OSBPL1A: variants seen among roughly 807,000 people sequenced by gnomAD.
The protein encoded by OSBPL1A is oxysterol binding protein like 1A.
A neutral mutation model predicts 137.1 loss-of-function variants in OSBPL1A; 80 were observed. The observed-to-expected ratio is 0.58, with a 90% CI of 0.49 to 0.70. The LOEUF (loss-of-function observed/expected upper bound fraction) is 0.70, where lower values mean the gene tolerates loss of function less well. Among genes scored for constraint, OSBPL1A ranks in the 30% least tolerant of loss-of-function variants. OSBPL1A has a pLI of 0.00. For missense variants in OSBPL1A, 970 were observed against 1,129.4 expected (o/e 0.86, Z 2.02); for synonymous variants, 365 against 389.7 (o/e 0.94, Z 0.75).
intron 16 of OSBPL1A, among the ~76,000 whole-genome samples, chr18:24,230,857 G>A (rs148880543): frequency 3.7e-4 from 56 of 152,216 alleles, no homozygotes; most frequent in African/African-American, 1.3e-3. Context: ...GAGTAATGAC[G>A]GGAAATGGAA....
chr18:24,170,296 T>C (rs768905592), intron 24 of OSBPL1A, 31 bp downstream of exon 24: 2 of 1,612,734 alleles, frequency 1.2e-6, no homozygotes, highest in South Asian at 1.1e-5. Flanking sequence ...AATCCAGTTA[T>C]TCCTTCGATA....
chr18:24,287,470 T>G (rs1373159547), intron 14 of OSBPL1A, among the ~76,000 whole-genome samples: 2 of 152,260 alleles, frequency 1.3e-5, no homozygotes, highest in African/African-American at 4.8e-5. Flanking sequence ...CTTGCCTGTC[T>G]TCTAGACTTT....
At chr18:24,272,907 ATTAAT>A (rs1449147897) in intron 15 of OSBPL1A, among the ~76,000 whole-genome samples, 1 of 151,848 alleles carries the variant, frequency 6.6e-6, no homozygotes, top group East Asian at 1.9e-4. Context: ...GTATTAATTA[ATTAAT>A]TTATTTATTT....
intron 14 of OSBPL1A, among the ~76,000 whole-genome samples, chr18:24,283,841 G>A (rs2090013074): frequency 6.6e-6 from 1 of 152,062 alleles, no homozygotes; most frequent in African/African-American, 2.4e-5. Context: ...ATAAACTTTA[G>A]ATACTTGTTA....
chr18:24,257,785 A>C (rs1237191538), intron 15 of OSBPL1A, among the ~76,000 whole-genome samples: 2 of 152,242 alleles, frequency 1.3e-5, no homozygotes, highest in East Asian at 3.8e-4. Context: ...TCCACAGGAA[A>C]AAAATCCAAT....
At chr18:24,310,666 T>C (rs952646891) in intron 13 of OSBPL1A, among the ~76,000 whole-genome samples, 3 of 151,354 alleles carry the variant, frequency 2.0e-5, no homozygotes, top group Non-Finnish European at 4.4e-5. Flanking sequence ...TGTAAGTTAG[T>C]ATGCTTTTAT....
chr18:24,188,221 G>A (rs1185870864), intron 18 of OSBPL1A, among the ~76,000 whole-genome samples: 1 of 152,158 alleles, frequency 6.6e-6, no homozygotes. Flanking sequence ...ACTGGCCTAG[G>A]GATGCAATCT....
intron 15 of OSBPL1A, among the ~76,000 whole-genome samples, chr18:24,268,306 G>A (rs892352450): frequency 7.2e-5 from 11 of 151,964 alleles, no homozygotes; most frequent in African/African-American, 2.7e-4. Context: ...TTTTGGGAGA[G>A]ACAGGGTTTC....
chr18:24,220,813 G>GT (rs924408833), intron 17 of OSBPL1A, among the ~76,000 whole-genome samples: 22 of 151,326 alleles, frequency 1.5e-4, no homozygotes, highest in Admixed American at 1.1e-3. Flanking sequence ...ATTTTGTTTT[G>GT]TTTTGGTTTT....
chr18:24,200,529 T>G (rs958106176), intron 17 of OSBPL1A, among the ~76,000 whole-genome samples: 1 of 140,978 alleles, frequency 7.1e-6, no homozygotes, highest in African/African-American at 2.7e-5. Context: ...GTCACTGCAC[T>G]CCAGCCTGGG....
intron 15 of OSBPL1A, among the ~76,000 whole-genome samples, chr18:24,278,599 T>A (rs2089894326): frequency 6.6e-6 from 1 of 152,196 alleles, no homozygotes; most frequent in Non-Finnish European, 1.5e-5. Context: ...AAAATTAGAA[T>A]AGGTTGATTG....
intron 18 of OSBPL1A, among the ~76,000 whole-genome samples, chr18:24,190,070 T>C (rs1255003771): frequency 2.0e-5 from 3 of 152,168 alleles, no homozygotes; most frequent in Non-Finnish European, 2.9e-5. Context: ...TCTTCCTGCT[T>C]AGGAGCTGAA....
At chr18:24,348,807 TAA>T (rs2091389876) in intron 4 of OSBPL1A, among the ~76,000 whole-genome samples, 1 of 151,682 alleles carries the variant, frequency 6.6e-6, no homozygotes. Flanking sequence ...TTCAAAAAGG[TAA>T]AAGATACACC....
Position 24,237,162 on chromosome 18 carries a change from G to A in OSBPL1A, c.1444+2058C>T, listed in dbSNP as rs76718489. On this transcript the variant is annotated intron_variant, in intron 16 of 27. Coordinates refer to ENST00000319481, the MANE Select transcript of OSBPL1A (RefSeq NM_080597.4). ...AAAAGGTCTGTAAGAGAGTATATCC[G>A]GCTGTTAATCAGAACCTCTGAGGAG... 1.8e-3 allele frequency among the ~76,000 whole-genome samples: 269 copies of A among 152,160 alleles called. 4 individuals carry two copies. The East Asian group carries it at 0.039, about 22-fold the overall frequency.
At chr18:24,297,837 G>A (rs746783798) in intron 14 of OSBPL1A, among the ~76,000 whole-genome samples, 2 of 152,080 alleles carry the variant, frequency 1.3e-5, no homozygotes, top group East Asian at 1.9e-4. Context: ...GAAGTTCCAC[G>A]TGCTAATGAG....
At chr18:24,230,399 G>A (rs1316409758) in intron 16 of OSBPL1A, among the ~76,000 whole-genome samples, 2 of 152,166 alleles carry the variant, frequency 1.3e-5, no homozygotes, top group Non-Finnish European at 2.9e-5. Context: ...AAAGGGTCAC[G>A]TTGGAAAGTT....
At chr18:24,178,464 G>A (rs1483150830) in intron 20 of OSBPL1A, among the ~76,000 whole-genome samples, 1 of 55,920 alleles carries the variant, frequency 1.8e-5, no homozygotes, top group Non-Finnish European at 3.3e-5. Flanking sequence ...GCTAATTTTT[G>A]TATTTTTAGT....
intron 1 of OSBPL1A, among the ~76,000 whole-genome samples, chr18:24,382,289 C>A (rs1906650549): frequency 6.7e-6 from 1 of 149,624 alleles, no homozygotes; most frequent in Non-Finnish European, 1.5e-5. Flanking sequence ...CGCCTGTAGT[C>A]CCAGCTACTC....
intron 15 of OSBPL1A, among the ~76,000 whole-genome samples, chr18:24,245,973 G>GT (rs1403159952): frequency 1.3e-5 from 2 of 152,124 alleles, no homozygotes; most frequent in African/African-American, 4.8e-5. Context: ...ACTTTGGGAG[G>GT]TGGAGGCAGG....
Sources: allele counts gnomAD v4.1 joint callset (sites outside exome capture counted in the v4.1 genomes callset), GRCh38; gene constraint gnomAD v4.1.1; transcripts MANE v1.5; gene names NCBI Gene and HGNC (gene_info 2026-07-23, HGNC 2026-07-21).